The following PTPRM variants were observed in gnomAD, a reference collection of about 807,000 sequenced individuals.
PTPRM encodes the protein protein tyrosine phosphatase receptor type M.
A neutral mutation model predicts 186.7 loss-of-function variants in PTPRM; 47 were observed. The ratio of observed to expected loss-of-function variants is 0.25; its 90% CI spans 0.20 to 0.32. PTPRM has a LOEUF of 0.32. PTPRM is among the 10% of genes least tolerant of loss of function. The pLI is 1.00. For synonymous variants in PTPRM, 668 were observed against 674.9 expected, an observed-to-expected ratio of 0.99 and a Z score of 0.16; for missense variants, 1,494 against 1,865.0, an observed-to-expected ratio of 0.80 and a Z score of 3.66.
chr18:7,910,353 C>T (rs1389952743), intron 4 of PTPRM, among the ~76,000 whole-genome samples: 2 of 152,068 alleles, frequency 1.3e-5, no homozygotes, highest in African/African-American at 4.8e-5. Flanking sequence ...GGACAAAACG[C>T]ACAAACAAAG....
At position 8,113,527 on chromosome 18, in the gene PTPRM, C is replaced by T; in HGVS notation, c.1898C>T (p.Thr633Ile). The change falls in exon 12 of 33, where the codon ACT (threonine) becomes ATT (isoleucine). Residue 633 changes from threonine to isoleucine, a missense_variant. Physicochemically the swap from Thr to Ile is moderately conservative, Grantham distance 89. This residue lies in a region of PTPRM where 1,107 missense variants were observed against 1,350.2 expected (regional missense o/e 0.82). Coordinates refer to ENST00000580170, the MANE Select transcript of PTPRM (RefSeq NM_001105244.2). The stretch of plus-strand genomic sequence containing the variant: ...GTTGAGGAAGAACGTCCTCGAAGAA[C>T]TAAAAAGACGACAGAAATCTTAAAG... ...IVVEEERPRR[T>I]KKTTEILKCY... is the part of the protein sequence containing the mutation. 6.2e-7 allele frequency: 1 copy of T among 1,613,704 alleles called. No homozygotes were observed. Among genetic ancestry groups the T allele is most frequent in the Non-Finnish European group, 8.5e-7 (1 of 1,179,656 alleles).
intron 2 of PTPRM, among the ~76,000 whole-genome samples, chr18:7,790,581 C>T (rs186206012): frequency 6.6e-6 from 1 of 152,278 alleles, no homozygotes; most frequent in Non-Finnish European, 1.5e-5. Flanking sequence ...ATTTTTCTTT[C>T]CTCCCTGATT....
chr18:7,988,160 G>A (rs1288014844), intron 7 of PTPRM, among the ~76,000 whole-genome samples: 10 of 152,058 alleles, frequency 6.6e-5, no homozygotes, highest in Non-Finnish European at 1.5e-4. Context: ...ACTCCAGCTT[G>A]GGTGACAGAC....
chr18:8,181,903 G>T lies in PTPRM; in HGVS notation c.2300+38124G>T, dbSNP rs548062963. Among the ~76,000 whole-genome samples the T allele has an allele frequency of 2.0e-5, 3 of 152,248 alleles. No individual in the cohort carries two copies. In the South Asian group the frequency reaches 6.2e-4, roughly 32 times the overall value. ...AAAAAAGAAAAAGTGGAACTCAAAG[G>T]AAACCCCTTCTTTTAAATATAATGG... On this transcript the variant is annotated intron_variant, in intron 14 of 32. Transcript: ENST00000580170.
chr18:7,951,861 A>G lies in PTPRM; in HGVS notation c.838+2506A>G, dbSNP rs561268190. 7.2e-5 allele frequency among the ~76,000 whole-genome samples: 11 copies of G among 152,326 alleles called. No individual in the cohort carries two copies. The East Asian group carries it at 1.5e-3, about 21-fold the overall frequency. ...TGTCTATAATTTAACACTTTTTTAT[A>G]TACCATATCATATTTGGAGTGCTAA... On this transcript the variant is annotated intron_variant, in intron 6 of 32. Transcript: ENST00000580170.
intron 15 of PTPRM, among the ~76,000 whole-genome samples, chr18:8,246,938 G>A (rs2094482586): frequency 6.6e-6 from 1 of 152,126 alleles, no homozygotes; most frequent in Admixed American, 6.5e-5. Context: ...TGGTATAATT[G>A]TGTCTTAGTG....
At chr18:8,301,467 G>C (rs1027822230) in intron 20 of PTPRM, among the ~76,000 whole-genome samples, 2 of 152,180 alleles carry the variant, frequency 1.3e-5, no homozygotes, top group African/African-American at 4.8e-5. Flanking sequence ...CCCCCTTGCA[G>C]CCGGCTCCTC....
chr18:8,156,314 G>A (rs2146290911), intron 14 of PTPRM, among the ~76,000 whole-genome samples: 1 of 152,246 alleles, frequency 6.6e-6, no homozygotes, highest in East Asian at 1.9e-4. Context: ...TCTTATAGGA[G>A]GAAAGTGTCA....
At chr18:7,942,214 C>T (rs555250600) in intron 5 of PTPRM, among the ~76,000 whole-genome samples, 10 of 148,560 alleles carry the variant, frequency 6.7e-5, no homozygotes, top group East Asian at 3.9e-4. Flanking sequence ...ACCTGGGAGG[C>T]GGAGGTTGAA....
At chr18:7,767,207 A>G (rs1374973506) in intron 1 of PTPRM, among the ~76,000 whole-genome samples, 5 of 152,146 alleles carry the variant, frequency 3.3e-5, no homozygotes, top group African/African-American at 1.2e-4. Flanking sequence ...TCACCCCAAA[A>G]CCTTAAGAAT....
chr18:7,636,797 T>A (rs570155619), intron 1 of PTPRM, among the ~76,000 whole-genome samples: 1 of 151,972 alleles, frequency 6.6e-6, no homozygotes, highest in East Asian at 1.9e-4. Context: ...AGGTTTAGAG[T>A]GAGGACATTG....
chr18:8,071,401 A>G (rs1376592745), intron 8 of PTPRM, among the ~76,000 whole-genome samples: 1 of 152,110 alleles, frequency 6.6e-6, no homozygotes, highest in African/African-American at 2.4e-5. Flanking sequence ...TGAAATTTCT[A>G]TAATTGTTTC....
chr18:8,384,530 C>T, intron 29 of PTPRM, 31 bp from the exon 30 acceptor site: 1 of 1,612,346 alleles, frequency 6.2e-7, no homozygotes, highest in Non-Finnish European at 8.5e-7. Context: ...CCTCTTATAA[C>T]TAACCTTGTG....
chr18:8,273,474 A>G (rs2094796565), intron 19 of PTPRM, among the ~76,000 whole-genome samples: 2 of 152,120 alleles, frequency 1.3e-5, no homozygotes, highest in African/African-American at 2.4e-5. Context: ...CTCCTTTGCT[A>G]CTGCCCTGGG....
chr18:7,811,825 T>TTA (rs1263698809), intron 2 of PTPRM, among the ~76,000 whole-genome samples: 1 of 152,158 alleles, frequency 6.6e-6, no homozygotes, highest in Non-Finnish European at 1.5e-5. Context: ...GCAATTATAA[T>TTA]CTATATTCTG....
intron 4 of PTPRM, among the ~76,000 whole-genome samples, chr18:7,908,103 T>A (rs980404498): frequency 2.6e-5 from 4 of 152,168 alleles, no homozygotes; most frequent in African/African-American, 7.2e-5. Flanking sequence ...GAGGCTGAAT[T>A]GCTGGGATGT....
chr18:8,255,991 A>G (rs2094571030), intron 19 of PTPRM, among the ~76,000 whole-genome samples: 1 of 152,214 alleles, frequency 6.6e-6, no homozygotes, highest in Non-Finnish European at 1.5e-5. Flanking sequence ...GACTGCAGGT[A>G]CTCATATGTC....
intron 1 of PTPRM, among the ~76,000 whole-genome samples, chr18:7,730,143 A>T (rs2040627947): frequency 6.6e-6 from 1 of 152,160 alleles, no homozygotes; most frequent in African/African-American, 2.4e-5. Context: ...GTGGCCTCTA[A>T]ACATACTAAA....
chr18:7,916,175 C>G (rs2050545809), intron 4 of PTPRM, among the ~76,000 whole-genome samples: 1 of 152,108 alleles, frequency 6.6e-6, no homozygotes, highest in African/African-American at 2.4e-5. Flanking sequence ...GATGGGTACA[C>G]TAAAAATCCA....
Sources: gnomAD v4.1 joint callset for allele counts (sites outside exome capture counted in the v4.1 genomes callset) on GRCh38, gnomAD v4.1.1 for gene constraint, gnomAD v4.1.1 regional missense constraint, MANE v1.5 for transcripts, NCBI Gene and HGNC (gene_info 2026-07-23, HGNC 2026-07-21) for gene names.